ZNF441: variants seen among roughly 807,000 people sequenced by gnomAD.
The protein encoded by ZNF441 is zinc finger protein 441.
In ZNF441, 25 loss-of-function variants were observed where a neutral mutation model predicts 64.5. The ratio of observed to expected loss-of-function variants is 0.39; its 90% confidence interval spans 0.28 to 0.54. The LOEUF (loss-of-function observed/expected upper bound fraction) is 0.54. Ranked by LOEUF, ZNF441 falls within the 20% of genes least tolerant of loss-of-function variation. The pLI is 0.70. For missense variants in ZNF441, 715 were observed against 843.3 expected, an observed-to-expected ratio of 0.85 and a Z score of 1.88; for synonymous variants, 262 against 268.0, an observed-to-expected ratio of 0.98 and a Z score of 0.22.
intron 1 of ZNF441, among the ~76,000 whole-genome samples, chr19:11,770,430 C>G (rs1021422010): frequency 1.3e-5 from 2 of 152,034 alleles, no homozygotes; most frequent in African/African-American, 4.8e-5. Flanking sequence ...TCAGTGTTGG[C>G]CTTACAACAT....
intron 1 of ZNF441, among the ~76,000 whole-genome samples, chr19:11,768,526 C>T (rs1239301702): frequency 1.3e-5 from 2 of 152,226 alleles, no homozygotes; most frequent in Non-Finnish European, 2.9e-5. Context: ...GTCCCCAGCC[C>T]ATCCTCTATG....
chr19:11,780,533 A>C lies in ZNF441; in HGVS notation c.709A>C (p.Ser237Arg). Residue 237 changes from serine to arginine, a missense_variant, in exon 4 of 4, where the codon AGT (serine) becomes CGT (arginine). Physicochemically the swap from Ser to Arg is moderately radical, Grantham distance 110 (BLOSUM62 -1). This residue lies in a region of ZNF441 where 399 missense variants were observed against 413.9 expected (regional missense o/e 0.96). Transcript: ENST00000357901. ...EQCSTAFPAY[S>R]STLRHERTHS... is the part of the protein sequence containing the mutation. ...GTGTTCTACAGCGTTTCCTGCTTAT[A>C]GTTCCACTCTAAGACATGAAAGAAC... is the stretch of plus-strand genomic sequence containing the variant. 1.2e-6 allele frequency: 2 copies of C among 1,614,194 alleles called. No individual in the cohort carries two copies. Among genetic ancestry groups the C allele is most frequent in the Non-Finnish European group, 8.5e-7 (1 of 1,180,026 alleles).
In ZNF441 at chr19:11,767,635, C is replaced by T. The variant is rs1975281281; in HGVS notation, c.3+439C>T. ...GACAGGGGCGGCTGGGGCGTGGGGT[C>T]GCTGGATGGTGGGGAAGTGAGGGGT... On this transcript the variant is annotated intron_variant, in intron 1 of 3. Coordinates refer to ENST00000357901, the MANE Select transcript of ZNF441 (RefSeq NM_152355.3). This position sits in a 1 kb window ranked among gnomAD's most constrained non-coding sequence, Gnocchi z 5.1. Among the ~76,000 whole-genome samples, 1 of 151,988 alleles carries T rather than the reference C, an allele frequency of 6.6e-6. No individual in the cohort carries two copies. The highest frequency in any genetic ancestry group is 1.5e-5 in the Non-Finnish European group (1 of 67,982).
At position 11,780,452 on chromosome 19, in the gene ZNF441, T is replaced by G; in HGVS notation, c.628T>G (p.Leu210Val). ...LCGNAFIWPS[L>V]FHMLRRTHTE... Reference sequence around the variant, plus strand: ...TGGAAACGCCTTTATTTGGCCTAGTTTATTTCATATGCTTAGAAGAACTCA... The same window carrying G: ...TGGAAACGCCTTTATTTGGCCTAGTGTATTTCATATGCTTAGAAGAACTCA... The change falls in exon 4 of 4, where the codon TTA (leucine) becomes GTA (valine). Residue 210 changes from leucine (L) to valine (V), a missense_variant. This residue lies in a region of ZNF441 where 399 missense variants were observed against 413.9 expected (regional missense o/e 0.96). Transcript: ENST00000357901. 6.2e-7 allele frequency: 1 copy of G among 1,614,210 alleles called. No individual in the cohort carries two copies. The highest frequency in any genetic ancestry group is 8.5e-7 in the Non-Finnish European group (1 of 1,180,040).
Position 11,780,855 on chromosome 19 carries a change from C to T in ZNF441, c.1031C>T (p.Ala344Val). 1 of 1,614,100 alleles carries T rather than the reference C, an allele frequency of 6.2e-7. No homozygotes were observed. The highest frequency in any genetic ancestry group is 1.3e-5 in the African/African-American group (1 of 75,024). Residue 344 changes from alanine (A) to valine (V), a missense_variant, in exon 4 of 4, where the codon GCA becomes GTA. By Grantham distance (64) the Ala-to-Val change is moderately conservative. Around this residue, in one of 2 missense-constraint regions of ZNF441, gnomAD observed 316 missense variants for 429.3 expected, o/e 0.74. Coordinates refer to ENST00000357901, the MANE Select transcript of ZNF441 (RefSeq NM_152355.3). The stretch of plus-strand genomic sequence containing the variant: ...TATGAATGTAAGTATTGTGGGAAAG[C>T]ATTCTCTGATTGCACAGGTTTTCGA... ...KPYECKYCGK[A>V]FSDCTGFRRH...
chr19:11,774,696 C>T (rs1377165350), intron 1 of ZNF441, among the ~76,000 whole-genome samples: 1 of 152,118 alleles, frequency 6.6e-6, no homozygotes, highest in Non-Finnish European at 1.5e-5. Context: ...ATTGCCTTTA[C>T]CTCATTGAAC....
intron 3 of ZNF441, 31 bp downstream of exon 3, chr19:11,778,424 C>T: frequency 6.8e-7 from 1 of 1,465,372 alleles, no homozygotes; most frequent in Non-Finnish European, 9.2e-7. Context: ...AAAGCTGTGT[C>T]CTTGAAGTGA....
rs946615517 is a variant in ZNF441, at chr19:11,783,331, G to C, written c.*1425G>C. 2.0e-5 allele frequency: 3 copies of C among 152,166 alleles called. No homozygotes were observed. The highest frequency in any genetic ancestry group is 4.4e-5 in the Non-Finnish European group (3 of 68,032). 9.4% of individuals were successfully genotyped at this position (152,166 alleles called of 1,614,324 possible). A position where few individuals can be genotyped will look rare whatever the true frequency, so the allele number is the denominator to read the frequency against. On this transcript the variant is annotated 3_prime_UTR_variant, in exon 4 of 4. Transcript: ENST00000357901. Reference sequence around the variant, plus strand: ...GGAGAAAAGAAAACTTTCACTGTTGGTGAAAGTATAAATTAGAACAACTAC... The same window carrying C: ...GGAGAAAAGAAAACTTTCACTGTTGCTGAAAGTATAAATTAGAACAACTAC...
chr19:11,775,115 CT>C (rs947565703), intron 1 of ZNF441, among the ~76,000 whole-genome samples: 25 of 152,222 alleles, frequency 1.6e-4, no homozygotes, highest in African/African-American at 5.8e-4. Context: ...CTCTTCCAGT[CT>C]TTGTGGATGG....
rs1975292765 is a variant in ZNF441, at chr19:11,769,019, G to A, written c.3+1823G>A. 2.0e-5 allele frequency among the ~76,000 whole-genome samples: 3 copies of A among 152,140 alleles called. No individual in the cohort carries two copies. In the South Asian group the frequency reaches 6.2e-4, roughly 32 times the overall value. On this transcript the variant is annotated intron_variant, in intron 1 of 3. Transcript: ENST00000357901. ...CAGCATGGTGATGGGGGATGTTCCA[G>A]GTGATAGGAGGACCTGACTTGACAC... is the stretch of plus-strand genomic sequence containing the variant.
chr19:11,777,682 G>A lies in ZNF441; in HGVS notation c.75G>A (p.Gln25=). Residue 25 remains glutamine, a synonymous_variant, in exon 2 of 4, where the codon CAG becomes CAA. Transcript: ENST00000357901. ...AGTGGGCTTTGCTGGGTCCATCACA[G>A]AAGAGTCTCTACAGAGATGTGATGC... The part of the protein sequence containing the change: ...CEEWALLGPS[Q]KSLYRDVMQE... 6.2e-7 allele frequency: 1 copy of A among 1,613,796 alleles called. No individual in the cohort carries two copies.
At chr19:11,777,831 A>G (rs1457731040) in intron 2 of ZNF441, 94 bp downstream of exon 2, 4 of 1,477,698 alleles carry the variant, frequency 2.7e-6, no homozygotes, top group Non-Finnish European at 3.6e-6. Context: ...GGAAGGGTAT[A>G]TAATTGGCCC....
intron 1 of ZNF441, among the ~76,000 whole-genome samples, chr19:11,769,511 T>C (rs1975296547): frequency 6.6e-6 from 1 of 152,172 alleles, no homozygotes; most frequent in Non-Finnish European, 1.5e-5. Flanking sequence ...AAAGCCTTGA[T>C]GTGTGGTAGA....
In ZNF441 at chr19:11,782,147, T is replaced by C. The variant is rs988891762; in HGVS notation, c.*241T>C. On this transcript the variant is annotated 3_prime_UTR_variant, in exon 4 of 4. Transcript: ENST00000357901. ...CTAGCAAACTTTCAAAGGTGGTTAT[T>C]ATAACATACTAGCAATGGACCTTAC... 23 of 369,642 alleles carry C rather than the reference T, an allele frequency of 6.2e-5. 1 individual carries two copies. Among genetic ancestry groups the C allele is most frequent in the African/African-American group, 4.3e-4 (21 of 48,726 alleles). 22.9% of individuals were successfully genotyped at this position (369,642 alleles called of 1,614,324 possible).
At position 11,783,598 on chromosome 19, in the gene ZNF441, GAGTAAA is replaced by G. The variant is rs1475649523; in HGVS notation, c.*1694_*1699del. 6.6e-6 allele frequency: 1 copy of G among 152,144 alleles called. No homozygotes were observed. Among genetic ancestry groups the G allele is most frequent in the African/African-American group, 2.4e-5 (1 of 41,426 alleles). 9.4% of individuals were successfully genotyped at this position (152,144 alleles called of 1,614,324 possible). A position where few individuals can be genotyped will look rare whatever the true frequency, so the allele number is the denominator to read the frequency against. On this transcript the variant is annotated 3_prime_UTR_variant, in exon 4 of 4. Transcript: ENST00000357901. ...TGGAATACTATTTGGCCATAAAAAA[GAGTAAA>G]ATGTTATTGCTAACAACATGGATGG...
chr19:11,781,711 C>T lies in ZNF441; in HGVS notation c.1887C>T (p.Tyr629=). The T allele has an allele frequency of 6.2e-7, 1 of 1,614,038 alleles. No homozygotes were observed. The highest frequency in any genetic ancestry group is 1.1e-5 in the South Asian group (1 of 91,078). ...ECGKAFSHSS[Y]LRIHERVHTG... ...GTAAAGCCTTCAGTCATTCAAGTTA[C>T]TTACGAATACACGAAAGAGTTCATA... The change falls in exon 4 of 4, where the codon TAC becomes TAT. Residue 629 remains tyrosine, a synonymous_variant. Transcript: ENST00000357901.
intron 1 of ZNF441, among the ~76,000 whole-genome samples, chr19:11,775,985 A>G (rs1274643077): frequency 6.6e-5 from 10 of 152,126 alleles, no homozygotes; most frequent in Admixed American, 3.3e-4. Flanking sequence ...CAGGACTTAG[A>G]TGTTCTACCA....
At chr19:11,772,592 A>G (rs530081219) in intron 1 of ZNF441, among the ~76,000 whole-genome samples, 1 of 152,356 alleles carries the variant, frequency 6.6e-6, no homozygotes, top group South Asian at 2.1e-4. Context: ...GTTACTAAAC[A>G]AATGAATAAT....
chr19:11,781,572 G>A lies in ZNF441; in HGVS notation c.1748G>A (p.Gly583Glu), dbSNP rs752126224. The A allele has an allele frequency of 6.2e-7, 1 of 1,614,056 alleles. No individual in the cohort carries two copies. Among genetic ancestry groups the A allele is most frequent in the Admixed American group, 1.7e-5 (1 of 60,022 alleles). Residue 583 changes from glycine (G) to glutamate (E), a missense_variant, in exon 4 of 4, where the codon GGA becomes GAA. Around this residue, in one of 2 missense-constraint regions of ZNF441, gnomAD observed 316 missense variants for 429.3 expected, o/e 0.74. Transcript: ENST00000357901. Reference protein sequence around the residue: ...SFRRHMITHTGNGPHKCKICG... With the variant: ...SFRRHMITHTENGPHKCKICG... ...CGAAGACACATGATAACACATACTG[G>A]AAATGGACCTCATAAATGTAAGATA...
Sources: allele counts gnomAD v4.1 joint callset (sites outside exome capture counted in the v4.1 genomes callset), GRCh38; gene constraint gnomAD v4.1.1; regional missense constraint gnomAD v4.1.1; non-coding constraint Gnocchi (gnomAD v3.1); transcripts MANE v1.5; gene names NCBI Gene and HGNC (gene_info 2026-07-23, HGNC 2026-07-21).